The following LUZP2 variants were observed in gnomAD, a reference collection of about 807,000 sequenced individuals.
LUZP2 encodes leucine zipper protein 2.
LUZP2 carries 52 observed loss-of-function variants against 51.6 expected under a neutral mutation model. That is an observed-to-expected ratio of 1.01 (90% CI 0.81 to 1.27). The LOEUF is 1.27. Among genes scored for constraint, LUZP2 ranks in the 50% most tolerant of loss-of-function variants. The pLI is 0.00. For synonymous variants in LUZP2, 154 were observed against 137.3 expected (o/e 1.12, Z -0.85); for missense variants, 436 against 395.4 (o/e 1.10, Z -0.87).
At chr11:25,013,987 A>G in intron 9 of LUZP2, among the ~76,000 whole-genome samples, 1 of 151,872 alleles carries the variant, frequency 6.6e-6, no homozygotes, top group African/African-American at 2.4e-5. Context: ...CCTATGAGTG[A>G]GAACATGTGG....
chr11:24,570,706 G>A (rs973256708), intron 1 of LUZP2, among the ~76,000 whole-genome samples: 1 of 152,036 alleles, frequency 6.6e-6, no homozygotes, highest in Non-Finnish European at 1.5e-5. Flanking sequence ...CTTATGATTT[G>A]CAGTCTCTTT....
intron 3 of LUZP2, among the ~76,000 whole-genome samples, chr11:24,736,680 A>G (rs746647087): frequency 1.8e-4 from 27 of 152,126 alleles, no homozygotes; most frequent in Non-Finnish European, 3.2e-4. Flanking sequence ...AGCCTACAAT[A>G]TATGTAGGTA....
At chr11:24,991,388 G>GTA (rs1402416338) in intron 9 of LUZP2, among the ~76,000 whole-genome samples, 4 of 64,998 alleles carry the variant, frequency 6.2e-5, no homozygotes, top group South Asian at 6.5e-4. Flanking sequence ...GTGTGTGTGT[G>GTA]TGTGTGTGTA....
At chr11:24,820,400 G>A (rs996555720) in intron 5 of LUZP2, among the ~76,000 whole-genome samples, 5 of 152,136 alleles carry the variant, frequency 3.3e-5, no homozygotes, top group Admixed American at 6.5e-5. Context: ...ACCGGTTCAA[G>A]GAGTCTCAGG....
chr11:24,698,848 G>A (rs1363520595), intron 1 of LUZP2, among the ~76,000 whole-genome samples: 4 of 151,930 alleles, frequency 2.6e-5, no homozygotes, highest in Non-Finnish European at 4.4e-5. Context: ...TTGAGCTCAG[G>A]ACTTTGAGAC....
intron 1 of LUZP2, among the ~76,000 whole-genome samples, chr11:24,670,873 T>A (rs2134001275): frequency 6.6e-6 from 1 of 152,084 alleles, no homozygotes; most frequent in South Asian, 2.1e-4. Flanking sequence ...CTCCTACTGA[T>A]TTTTAATTAG....
intron 1 of LUZP2, among the ~76,000 whole-genome samples, chr11:24,638,390 T>C (rs1855174096): frequency 6.6e-6 from 1 of 151,612 alleles, no homozygotes; most frequent in South Asian, 2.1e-4. Flanking sequence ...TGACTAAAAA[T>C]ATAGTTTTTT....
chr11:24,776,386 G>A (rs1452150928), intron 5 of LUZP2, among the ~76,000 whole-genome samples: 1 of 152,124 alleles, frequency 6.6e-6, no homozygotes, highest in Non-Finnish European at 1.5e-5. Context: ...TAATTGCTAA[G>A]CCTGAGTCAC....
intron 1 of LUZP2, among the ~76,000 whole-genome samples, chr11:24,605,623 A>C (rs1392021585): frequency 6.6e-6 from 1 of 151,814 alleles, no homozygotes; most frequent in African/African-American, 2.4e-5. Context: ...ATTGAAGTAA[A>C]ATTGACAAAA....
At chr11:24,505,096 A>T (rs1850108703) in intron 1 of LUZP2, among the ~76,000 whole-genome samples, 1 of 152,120 alleles carries the variant, frequency 6.6e-6, no homozygotes, top group African/African-American at 2.4e-5. Context: ...GAGCTAAGGT[A>T]TTGGTAAGGG....
intron 1 of LUZP2, among the ~76,000 whole-genome samples, chr11:24,569,505 A>G (rs1852356334): frequency 6.6e-6 from 1 of 152,052 alleles, no homozygotes; most frequent in African/African-American, 2.4e-5. Flanking sequence ...CTACTCTGAC[A>G]CCACATGTTG....
intron 5 of LUZP2, among the ~76,000 whole-genome samples, chr11:24,873,154 A>G (rs959144270): frequency 1.3e-5 from 2 of 152,202 alleles, no homozygotes; most frequent in African/African-American, 4.8e-5. Context: ...GCTAGTCTAA[A>G]AGCACAGATC....
intron 1 of LUZP2, among the ~76,000 whole-genome samples, chr11:24,632,783 A>T (rs148770208): frequency 6.6e-6 from 1 of 152,148 alleles, no homozygotes; most frequent in African/African-American, 2.4e-5. Context: ...GCAAAATATC[A>T]CACAGAATAT....
At chr11:24,613,418 A>C (rs1400307695) in intron 1 of LUZP2, among the ~76,000 whole-genome samples, 2 of 152,114 alleles carry the variant, frequency 1.3e-5, no homozygotes, top group East Asian at 3.9e-4. Context: ...AAAACCATAA[A>C]ATAAAAAATG....
intron 1 of LUZP2, among the ~76,000 whole-genome samples, chr11:24,642,567 T>C (rs1304936858): frequency 6.6e-6 from 1 of 151,920 alleles, no homozygotes; most frequent in Non-Finnish European, 1.5e-5. Context: ...AATAATTTTA[T>C]GTGAAAGCAT....
At chr11:25,036,140 A>G (rs907118357) in intron 9 of LUZP2, among the ~76,000 whole-genome samples, 6 of 152,084 alleles carry the variant, frequency 3.9e-5, no homozygotes, top group Non-Finnish European at 7.4e-5. Flanking sequence ...ATTCAATTTT[A>G]TAAGTTGATA....
intron 3 of LUZP2, among the ~76,000 whole-genome samples, chr11:24,733,826 A>C (rs1380782378): frequency 6.6e-6 from 1 of 151,776 alleles, no homozygotes; most frequent in Admixed American, 6.6e-5. Flanking sequence ...ATCTCAGGTT[A>C]GGAATGGAGA....
chr11:24,993,042 A>C lies in LUZP2; in HGVS notation c.765+9749A>C, dbSNP rs1036935623. On this transcript the variant is annotated intron_variant, in intron 9 of 11. Coordinates refer to ENST00000336930, the MANE Select transcript of LUZP2 (RefSeq NM_001009909.4). ...ACAACAATATTTTATTTATGTTTAC[A>C]ACAAATTGAATTCAATATTCTATTG... Among the ~76,000 whole-genome samples, 5 of 152,290 alleles carry C rather than the reference A, an allele frequency of 3.3e-5. No individual in the cohort carries two copies. In the East Asian group the frequency reaches 9.6e-4, roughly 29 times the overall value.
chr11:24,919,862 A>G (rs1425287966), intron 7 of LUZP2, among the ~76,000 whole-genome samples: 2 of 151,492 alleles, frequency 1.3e-5, no homozygotes, highest in East Asian at 1.9e-4. Context: ...CAGTACAATA[A>G]TAACAAGAGA....
Sources: allele counts gnomAD v4.1 joint callset (sites outside exome capture counted in the v4.1 genomes callset), GRCh38; gene constraint gnomAD v4.1.1; transcripts MANE v1.5; gene names NCBI Gene and HGNC (gene_info 2026-07-23, HGNC 2026-07-21).